UBR4: variants seen among roughly 807,000 people sequenced by gnomAD.
The protein encoded by UBR4 is ubiquitin protein ligase E3 component n-recognin 4.
In UBR4, 124 loss-of-function variants were observed where a neutral mutation model predicts 575.6. That is an observed-to-expected ratio of 0.22 (90% CI 0.19 to 0.25). The LOEUF is 0.25. UBR4 is among the 10% of genes least tolerant of loss of function. The pLI, the probability that UBR4 is intolerant of heterozygous loss-of-function variation, is 1.00. For synonymous variants in UBR4, 2,455 were observed against 2,473.7 expected, an observed-to-expected ratio of 0.99 and a Z score of 0.22; for missense variants, 4,818 against 6,478.8, an observed-to-expected ratio of 0.74 and a Z score of 8.80.
At chr1:19,175,185 G>T in intron 20 of UBR4, 152 bp from the exon 21 acceptor site, 1 of 684,740 alleles carries the variant, frequency 1.5e-6, no homozygotes, top group Non-Finnish European at 2.3e-6. Context: ...GCTGTGGGAG[G>T]CCATCTTATG....
In UBR4 at chr1:19,165,726, G is replaced by C; in HGVS notation, c.4141C>G (p.Leu1381Val). The change falls in exon 30 of 106, where the codon CTC (leucine) becomes GTC (valine). Residue 1381 changes from leucine (L) to valine (V), a missense_variant. Transcript: ENST00000375254. ...GLDESILEEC[L>V]QYLEKQLESS... ...TCCAGCTGCTTTTCCAAGTACTGGA[G>C]ACATTCCTCCAGGATGGATTCATCC... 6.2e-7 allele frequency: 1 copy of C among 1,614,110 alleles called. No homozygotes were observed. The highest frequency in any genetic ancestry group is 1.1e-5 in the South Asian group (1 of 91,084).
In UBR4 at chr1:19,143,251, GAAGGAAGGAAGAAAGAAAGAAAGAAAGA is replaced by G. The variant is rs1294578539; in HGVS notation, c.8179+701_8179+728del. 2.2e-3 allele frequency among the ~76,000 whole-genome samples: 219 copies of G among 97,952 alleles called. 1 individual carries two copies. Among genetic ancestry groups the G allele is most frequent in the East Asian group, 5.6e-3 (13 of 2,302 alleles). 64.3% of individuals were successfully genotyped at this position (97,952 alleles called of 152,430 possible). A position where few individuals can be genotyped will look rare whatever the true frequency, so the allele number is the denominator to read the frequency against. On this transcript the variant is annotated intron_variant, in intron 55 of 105. Coordinates refer to ENST00000375254, the MANE Select transcript of UBR4 (RefSeq NM_020765.3). ...GGAAGGAAGGCAGGAAGGAAGGAAG[GAAGGAAGGAAGAAAGAAAGAAAGAAAGA>G]AAGAAAGAAAGAAAGAAAGAAAGAA... is the stretch of plus-strand genomic sequence containing the variant.
Position 19,184,024 on chromosome 1 carries a change from C to A in UBR4, c.2090G>T (p.Gly697Val), listed in dbSNP as rs1475556801. The A allele has an allele frequency of 6.2e-7, 1 of 1,614,112 alleles. No individual in the cohort carries two copies. The change falls in exon 16 of 106, where the codon GGA becomes GTA. Residue 697 changes from glycine (G) to valine (V), a missense_variant. Gly to Val is a moderately radical substitution (Grantham distance 109, BLOSUM62 -3). Around this residue, in one of 29 missense-constraint regions of UBR4, gnomAD observed 1,172 missense variants for 1,259.7 expected, o/e 0.93. Transcript: ENST00000375254. ...ASIIKEVDKD[G>V]LKGSSDEEFA... Reference sequence around the variant, plus strand: ...ATATCTTGTCTACTGACCCTTGAGTCCATCTTTGTCCACCTCCTTGATGAT... The same window carrying A: ...ATATCTTGTCTACTGACCCTTGAGTACATCTTTGTCCACCTCCTTGATGAT...
At chr1:19,200,363 G>C (rs2092687170) in intron 2 of UBR4, among the ~76,000 whole-genome samples, 1 of 152,016 alleles carries the variant, frequency 6.6e-6, no homozygotes, top group Non-Finnish European at 1.5e-5. Context: ...ATGGTCCTCA[G>C]GCTGTGGGTT....
chr1:19,163,691 G>T, intron 34 of UBR4, 73 bp downstream of exon 34: 1 of 1,510,938 alleles, frequency 6.6e-7, no homozygotes, highest in South Asian at 1.1e-5. Flanking sequence ...AGGAACGAGA[G>T]ACTTCCACCT....
intron 87 of UBR4, among the ~76,000 whole-genome samples, chr1:19,103,446 C>T (rs1335367458): frequency 1.3e-5 from 2 of 152,090 alleles, no homozygotes; most frequent in African/African-American, 2.4e-5. Context: ...TGCCTGTAAT[C>T]CCAGCTACTC....
chr1:19,107,015 A>G, intron 81 of UBR4, 49 bp from the exon 82 acceptor site: 6 of 1,603,008 alleles, frequency 3.7e-6, no homozygotes, highest in Non-Finnish European at 5.1e-6. Flanking sequence ...GGCACACCTG[A>G]GCCATAGCCC....
Position 19,148,626 on chromosome 1 carries a change from C to G in UBR4, c.7431G>C (p.Arg2477Ser). The G allele has an allele frequency of 6.2e-7, 1 of 1,614,212 alleles. No individual in the cohort carries two copies. The highest frequency in any genetic ancestry group is 2.2e-5 in the East Asian group (1 of 44,890). ...PTTTSGTVLE[R>S]LVVSSLEALE... ...GGGCTTCTAAAGAACTCACAACCAG[C>G]CTGGGGAGACAGAAAACCTGGCTTG... The change falls in exon 50 of 106, where the codon AGG becomes AGC. Residue 2477 changes from arginine (R) to serine (S), a missense_variant and splice_region_variant. Physicochemically the swap from Arg to Ser is moderately radical, Grantham distance 110 (BLOSUM62 -1). This residue lies in a region of UBR4 where 340 missense variants were observed against 375.4 expected (regional missense o/e 0.91). Transcript: ENST00000375254.
At chr1:19,199,577 A>T in intron 3 of UBR4, 74 bp downstream of exon 3, 1 of 1,381,968 alleles carries the variant, frequency 7.2e-7, no homozygotes, top group East Asian at 2.3e-5. Context: ...AAGTTCACTG[A>T]CCTCTACTCT....
chr1:19,078,608 T>C lies in UBR4; in HGVS notation c.15234-542A>G, dbSNP rs79215533. ...GCAGCAAGCTGCTAGGAAGTTGGTA[T>C]CAAGCAATGGTAATGTCTAAGATGG... is the stretch of plus-strand genomic sequence containing the variant. On this transcript the variant is annotated intron_variant, in intron 103 of 105. Coordinates refer to ENST00000375254, the MANE Select transcript of UBR4 (RefSeq NM_020765.3). The C allele has an allele frequency of 1.5e-4, 24 of 156,392 alleles. No homozygotes were observed. The East Asian group carries it at 2.7e-3, about 17-fold the overall frequency. 9.7% of individuals were successfully genotyped at this position (156,392 alleles called of 1,614,324 possible).
chr1:19,099,483 T>TA, intron 90 of UBR4, 114 bp downstream of exon 90: 1 of 935,840 alleles, frequency 1.1e-6, no homozygotes, highest in South Asian at 1.6e-5. Flanking sequence ...AGTAAAGCCT[T>TA]AGAGAGCTGC....
Position 19,139,078 on chromosome 1 carries a change from A to T in UBR4, c.8731+5T>A. ...GGAGACAGGACCCCCGCCATGGCAC[A>T]TTACCACTGTGCTCGCCAGCCACTG... On this transcript the variant is annotated splice_donor_5th_base_variant and intron_variant, in intron 59 of 105. Transcript: ENST00000375254. This position sits in a 1 kb window ranked among gnomAD's most constrained non-coding sequence, Gnocchi z 4.2. 3.7e-6 allele frequency: 6 copies of T among 1,609,056 alleles called. No individual in the cohort carries two copies. The highest frequency in any genetic ancestry group is 4.2e-6 in the Non-Finnish European group (5 of 1,177,088).
Position 19,192,498 on chromosome 1 carries a change from G to A in UBR4, c.1186C>T (p.Arg396Cys), listed in dbSNP as rs990933530. Residue 396 changes from arginine (R) to cysteine (C), a missense_variant, in exon 10 of 106, where the codon CGC (arginine) becomes TGC (cysteine). Arg to Cys is a radical substitution (Grantham distance 180, BLOSUM62 -3). Transcript: ENST00000375254. ...CTTCTTACCTCACCACCAGCCCGGC[G>A]AGAACTGCTGATTGCTTGTCCAATC... The part of the protein sequence containing the change: ...DMIGQAISSS[R>C]RAGGEHYQNF... The A allele has an allele frequency of 5.6e-6, 9 of 1,614,000 alleles. No individual in the cohort carries two copies. The highest frequency in any genetic ancestry group is 1.3e-5 in the African/African-American group (1 of 74,910).
At chr1:19,092,729 C>G in intron 97 of UBR4, 90 bp downstream of exon 97, 1 of 1,064,466 alleles carries the variant, frequency 9.4e-7, no homozygotes. Context: ...CTAGAAGTCT[C>G]ATATATTAGG....
intron 20 of UBR4, among the ~76,000 whole-genome samples, chr1:19,175,993 C>T (rs541248136): frequency 2.0e-5 from 3 of 152,184 alleles, no homozygotes; most frequent in Non-Finnish European, 4.4e-5. Context: ...ACGGGATCTA[C>T]TCAGGCTGAT....
At position 19,170,894 on chromosome 1, in the gene UBR4, A is replaced by C; in HGVS notation, c.3522-11T>G. On this transcript the variant is annotated splice_polypyrimidine_tract_variant and intron_variant, in intron 25 of 105. Coordinates refer to ENST00000375254, the MANE Select transcript of UBR4 (RefSeq NM_020765.3). The stretch of plus-strand genomic sequence containing the variant: ...TGCAGCAAATAGGCTCTGGGGAAAA[A>C]ACAGGGGGAAAGTGAAGCCATAAGA... The C allele has an allele frequency of 1.2e-6, 2 of 1,614,094 alleles. No individual in the cohort carries two copies. The highest frequency in any genetic ancestry group is 1.7e-6 in the Non-Finnish European group (2 of 1,180,006).
At chr1:19,163,857 A>T in intron 33 of UBR4, 30 bp from the exon 34 acceptor site, 2 of 1,612,416 alleles carry the variant, frequency 1.2e-6, no homozygotes, top group Non-Finnish European at 1.7e-6. Context: ...GAGGGGAAAG[A>T]GGAGACACAA....
Position 19,120,280 on chromosome 1 carries a change from C to G in UBR4, c.10210G>C (p.Asp3404His). The G allele has an allele frequency of 6.2e-7, 1 of 1,614,106 alleles. No homozygotes were observed. The highest frequency in any genetic ancestry group is 8.5e-7 in the Non-Finnish European group (1 of 1,180,024). ...ALVNQLNKFA[D>H]KETLIQFLRC... ...AGGAACTGGATCAGGGTTTCCTTATCGGCAAATTTGTTCAGCTGGTTCACC... is the reference window on the plus strand; with the variant it reads ...AGGAACTGGATCAGGGTTTCCTTATGGGCAAATTTGTTCAGCTGGTTCACC... The change falls in exon 69 of 106, where the codon GAT becomes CAT. Residue 3404 changes from aspartate to histidine, a missense_variant. By Grantham distance (81) the Asp-to-His change is moderately conservative (BLOSUM62 -1). Coordinates refer to ENST00000375254, the MANE Select transcript of UBR4 (RefSeq NM_020765.3).
chr1:19,164,638 G>A, intron 32 of UBR4, among the ~76,000 whole-genome samples, 161 bp downstream of exon 32: 1 of 152,034 alleles, frequency 6.6e-6, no homozygotes, highest in East Asian at 1.9e-4. Flanking sequence ...TTTTCCATGG[G>A]AAAAAAATCA....
Sources: allele counts gnomAD v4.1 joint callset (sites outside exome capture counted in the v4.1 genomes callset), GRCh38; gene constraint gnomAD v4.1.1; regional missense constraint gnomAD v4.1.1; non-coding constraint Gnocchi (gnomAD v3.1); transcripts MANE v1.5; gene names NCBI Gene and HGNC (gene_info 2026-07-23, HGNC 2026-07-21).